GPR20: variants seen among roughly 807,000 people sequenced by gnomAD.
GPR20 encodes CTD-3064M3.3.
For missense variants in GPR20, 494 were observed against 527.4 expected (o/e 0.94, Z 0.62); for synonymous variants, 241 against 241.9 (o/e 1.00, Z 0.04).
chr8:141,358,605 C>T (rs1484939405), intron 1 of GPR20, among the ~76,000 whole-genome samples: 1 of 152,184 alleles, frequency 6.6e-6, no homozygotes, highest in Non-Finnish European at 1.5e-5. Flanking sequence ...TCCTCCGGGA[C>T]CACCCATCTG....
intron 1 of GPR20, among the ~76,000 whole-genome samples, chr8:141,365,937 A>T (rs1831807996): frequency 6.6e-6 from 1 of 152,136 alleles, no homozygotes; most frequent in Non-Finnish European, 1.5e-5. Context: ...TCCCTCACTG[A>T]ACTGGAGTGC....
At chr8:141,362,992 G>A (rs1563707329) in intron 1 of GPR20, among the ~76,000 whole-genome samples, 1 of 152,036 alleles carries the variant, frequency 6.6e-6, no homozygotes, top group Non-Finnish European at 1.5e-5. Flanking sequence ...GCCTCAAGTG[G>A]TTTGCCCACC....
At chr8:141,362,387 G>A (rs1349080825) in intron 1 of GPR20, among the ~76,000 whole-genome samples, 3 of 151,598 alleles carry the variant, frequency 2.0e-5, no homozygotes, top group Non-Finnish European at 4.4e-5. Flanking sequence ...TGAGCATCTT[G>A]AGGCGGGGCT....
intron 1 of GPR20, among the ~76,000 whole-genome samples, chr8:141,359,718 G>C (rs1831705192): frequency 6.6e-6 from 1 of 152,172 alleles, no homozygotes; most frequent in African/African-American, 2.4e-5. Flanking sequence ...GAGGAGAGGA[G>C]GCTGGGCACA....
In GPR20 at chr8:141,357,571, C is replaced by T; in HGVS notation, c.353G>A (p.Gly118Asp). Residue 118 changes from glycine to aspartate, a missense_variant, in exon 2 of 2, where the codon GGC becomes GAC. Transcript: ENST00000377741. ...TRFAVYYGAR[G>D]CLRCAFPHVL... ...GTGCGGGAAGGCACAGCGCAGGCAG[C>T]CCCTGGCGCCGTAGTACACAGCGAA... 1 of 1,613,894 alleles carries T rather than the reference C, an allele frequency of 6.2e-7. No individual in the cohort carries two copies. The highest frequency in any genetic ancestry group is 1.1e-5 in the South Asian group (1 of 91,088).
chr8:141,365,578 C>G (rs1465005035), intron 1 of GPR20, among the ~76,000 whole-genome samples: 1 of 152,218 alleles, frequency 6.6e-6, no homozygotes, highest in Non-Finnish European at 1.5e-5. Context: ...CCCCACCTTT[C>G]CGAGCTGACA....
Position 141,357,141 on chromosome 8 carries a change from T to C in GPR20, c.783A>G (p.Gln261=), listed in dbSNP as rs1831655352. The C allele has an allele frequency of 1.2e-6, 2 of 1,610,606 alleles. No homozygotes were observed. Among genetic ancestry groups the C allele is most frequent in the South Asian group, 2.2e-5 (2 of 91,046 alleles). ...TGTCGGGCCACAGCGCCACGGCCAC[T>C]TGGCGGGCGTGGAAGGGCGTGAAGC... ...LVCFTPFHAR[Q]VAVALWPDMP... is the part of the protein sequence containing the mutation. Residue 261 remains glutamine (Q), a synonymous_variant, in exon 2 of 2, where the codon CAA becomes CAG. Coordinates refer to ENST00000377741, the MANE Select transcript of GPR20 (RefSeq NM_005293.3).
At chr8:141,363,655 G>A (rs1461240349) in intron 1 of GPR20, among the ~76,000 whole-genome samples, 1 of 152,238 alleles carries the variant, frequency 6.6e-6, no homozygotes, top group East Asian at 1.9e-4. Flanking sequence ...GGCCTCCAGC[G>A]GGGCACCAGG....
chr8:141,356,812 G>T lies in GPR20; in HGVS notation c.*35C>A. 6.7e-7 allele frequency: 1 copy of T among 1,483,668 alleles called. No individual in the cohort carries two copies. Among genetic ancestry groups the T allele is most frequent in the Non-Finnish European group, 9.2e-7 (1 of 1,088,038 alleles). 91.9% of individuals were successfully genotyped at this position (1,483,668 alleles called of 1,614,324 possible). On this transcript the variant is annotated 3_prime_UTR_variant, in exon 2 of 2. Transcript: ENST00000377741. The stretch of plus-strand genomic sequence containing the variant: ...TGTCCACGCTGGCATGCCCAGATGA[G>T]TCCTGACCTTCGGCCCCTGGCAGAG...
In GPR20 at chr8:141,356,661, T is replaced by C; in HGVS notation, c.*186A>G. ...CCGGCATTCAGGCCACCACATCCCA[T>C]CGGAGCCAGTGGCAGACATTGCTAA... On this transcript the variant is annotated 3_prime_UTR_variant, in exon 2 of 2. Transcript: ENST00000377741. 1 of 525,680 alleles carries C rather than the reference T, an allele frequency of 1.9e-6. No individual in the cohort carries two copies. The highest frequency in any genetic ancestry group is 3.1e-5 in the South Asian group (1 of 32,058). The allele number at this position is 525,680 out of a possible 1,614,324, so 32.6% of individuals were successfully genotyped here.
intron 1 of GPR20, among the ~76,000 whole-genome samples, chr8:141,365,191 G>T (rs56750303): frequency 0.045 from 6,878 of 152,240 alleles, 534 homozygotes; most frequent in African/African-American, 0.16. Flanking sequence ...GGATGCCCCT[G>T]CCCCAGGGGG....
rs1454925351 is a variant in GPR20, at chr8:141,367,278, C to CG, written c.-103dup. The CG allele has an allele frequency of 4.0e-5, 6 of 151,508 alleles. No individual in the cohort carries two copies. 9.4% of individuals were successfully genotyped at this position (151,508 alleles called of 1,614,324 possible). On this transcript the variant is annotated 5_prime_UTR_variant, in exon 1 of 2. Coordinates refer to ENST00000377741, the MANE Select transcript of GPR20 (RefSeq NM_005293.3). ...ATGCAGCCCGGACCTCGCCTTCCTA[C>CG]GGCCTGACGTCAGGCCAGCGCTTGG...
At chr8:141,359,643 C>T (rs964414446) in intron 1 of GPR20, among the ~76,000 whole-genome samples, 1 of 152,224 alleles carries the variant, frequency 6.6e-6, no homozygotes, top group Non-Finnish European at 1.5e-5. Context: ...ATGAATAGGT[C>T]TGTCCTCCCT....
At chr8:141,358,033 C>T (rs1023304782) in intron 1 of GPR20, 86 bp from the exon 2 acceptor site, 6 of 658,492 alleles carry the variant, frequency 9.1e-6, no homozygotes, top group Admixed American at 9.0e-5. Context: ...GGCCCGTCTG[C>T]CCCTGCACGC....
At chr8:141,361,320 G>T (rs75617777) in intron 1 of GPR20, among the ~76,000 whole-genome samples, 441 of 152,342 alleles carry the variant, frequency 2.9e-3, no homozygotes, top group Non-Finnish European at 5.0e-3. Context: ...GACCCAGCAG[G>T]GTAGGGACCT....
intron 1 of GPR20, among the ~76,000 whole-genome samples, chr8:141,364,341 A>T (rs1193007342): frequency 6.6e-6 from 1 of 152,154 alleles, no homozygotes. Context: ...TTTTATGATT[A>T]TTCTTGGTTT....
At position 141,356,965 on chromosome 8, in the gene GPR20, G is replaced by C. The variant is rs1436953186; in HGVS notation, c.959C>G (p.Pro320Arg). Residue 320 changes from proline (P) to arginine (R), a missense_variant, in exon 2 of 2, where the codon CCC becomes CGC. By Grantham distance (103) the Pro-to-Arg change is moderately radical. Transcript: ENST00000377741. ...CATGCTGACCACGTCACCGCTGCTG[G>C]GCTCACGCTCTCCGTGCTGGCCGAA... ...GLFGQHGERE[P>R]SSGDVVSMHR... 1 of 1,613,100 alleles carries C rather than the reference G, an allele frequency of 6.2e-7. No homozygotes were observed. Among genetic ancestry groups the C allele is most frequent in the East Asian group, 2.2e-5 (1 of 44,876 alleles).
chr8:141,358,947 C>G (rs1355348450), intron 1 of GPR20, among the ~76,000 whole-genome samples: 2 of 152,140 alleles, frequency 1.3e-5, no homozygotes, highest in Non-Finnish European at 2.9e-5. Flanking sequence ...CGGAGCCACC[C>G]ACTCTGTTTA....
rs747830182 is a variant in GPR20, at chr8:141,357,539, C to A, written c.385G>T (p.Gly129Cys). The change falls in exon 2 of 2, where the codon GGT becomes TGT. Residue 129 changes from glycine (G) to cysteine (C), a missense_variant. Transcript: ENST00000377741. ...CLRCAFPHVL[G>C]YFLNMHCSIL... is the part of the protein sequence containing the mutation. ...GAGCAGTGCATGTTGAGGAAGTAAC[C>A]GAGGACGTGCGGGAAGGCACAGCGC... The A allele has an allele frequency of 2.5e-6, 4 of 1,613,770 alleles. No individual in the cohort carries two copies. The highest frequency in any genetic ancestry group is 3.4e-6 in the Non-Finnish European group (4 of 1,180,008).
Sources: allele counts gnomAD v4.1 joint callset (sites outside exome capture counted in the v4.1 genomes callset), GRCh38; gene constraint gnomAD v4.1.1; transcripts MANE v1.5; gene names NCBI Gene and HGNC (gene_info 2026-07-23, HGNC 2026-07-21).